Variants in L3MBTL4 observed in about 807,000 individuals in gnomAD.
L3MBTL4 encodes the protein L3MBTL histone methyl-lysine binding protein 4, also known as lethal(3)malignant brain tumor-like protein 4.
Under a neutral mutation model 84.5 loss-of-function variants are expected in L3MBTL4, and 70 were observed. The ratio of observed to expected loss-of-function variants is 0.83; its 90% CI spans 0.68 to 1.01. L3MBTL4 has a LOEUF of 1.01. Ranked by LOEUF, L3MBTL4 falls within the 50% of genes least tolerant of loss-of-function variation. L3MBTL4 has a pLI of 0.00. For missense variants in L3MBTL4, 715 were observed against 754.8 expected (o/e 0.95, Z 0.62); for synonymous variants, 274 against 259.8 (o/e 1.05, Z -0.52).
intron 16 of L3MBTL4, among the ~76,000 whole-genome samples, chr18:6,016,938 G>A (rs2055013384): frequency 6.6e-6 from 1 of 152,122 alleles, no homozygotes; most frequent in South Asian, 2.1e-4. Flanking sequence ...CAGGCCAGGG[G>A]TACCACCGCC....
At chr18:6,238,457 C>T (rs1027073427) in intron 9 of L3MBTL4, among the ~76,000 whole-genome samples, 8 of 151,930 alleles carry the variant, frequency 5.3e-5, no homozygotes, top group Non-Finnish European at 7.4e-5. Context: ...GGCGTGAACC[C>T]GGGAGGCGGA....
chr18:6,166,761 T>G (rs2043682007), intron 13 of L3MBTL4, among the ~76,000 whole-genome samples: 1 of 151,500 alleles, frequency 6.6e-6, no homozygotes, highest in African/African-American at 2.4e-5. Context: ...ACATAACAAT[T>G]AAAAGAACTA....
At chr18:6,011,380 G>T (rs145912997) in intron 16 of L3MBTL4, among the ~76,000 whole-genome samples, 193 of 152,296 alleles carry the variant, frequency 1.3e-3, no homozygotes, top group African/African-American at 4.4e-3. Flanking sequence ...TATAGTATTT[G>T]CTGGTGAGGC....
At chr18:6,004,334 C>T (rs1056800205) in intron 16 of L3MBTL4, among the ~76,000 whole-genome samples, 78 of 152,220 alleles carry the variant, frequency 5.1e-4, no homozygotes, top group African/African-American at 1.9e-3. Context: ...CATAAAGAAA[C>T]AGAAAATCTG....
At chr18:5,984,479 G>A (rs1393023135) in intron 16 of L3MBTL4, among the ~76,000 whole-genome samples, 3 of 152,110 alleles carry the variant, frequency 2.0e-5, no homozygotes, top group African/African-American at 7.2e-5. Context: ...TGAAAATGAC[G>A]ACAGATGAAT....
chr18:6,143,920 G>A (rs1034254751), intron 13 of L3MBTL4, among the ~76,000 whole-genome samples: 2 of 152,102 alleles, frequency 1.3e-5, no homozygotes, highest in African/African-American at 4.8e-5. Context: ...AGCAACGGCT[G>A]GGCGCGGTGG....
chr18:6,042,564 G>A (rs2056450936), intron 16 of L3MBTL4, among the ~76,000 whole-genome samples: 1 of 152,138 alleles, frequency 6.6e-6, no homozygotes, highest in South Asian at 2.1e-4. Context: ...CCAACACAAT[G>A]GGTTTTCCGT....
At chr18:6,109,917 G>A (rs148876374) in intron 14 of L3MBTL4, among the ~76,000 whole-genome samples, 69 of 142,668 alleles carry the variant, frequency 4.8e-4, no homozygotes, top group African/African-American at 1.8e-3. Flanking sequence ...TGAGTCATCT[G>A]TCAGCCCACG....
chr18:6,070,492 T>A (rs1396891353), intron 16 of L3MBTL4, among the ~76,000 whole-genome samples: 1 of 148,976 alleles, frequency 6.7e-6, no homozygotes, highest in Non-Finnish European at 1.5e-5. Context: ...AGGATATTTC[T>A]GGACAAAGAA....
At chr18:6,163,354 T>C (rs965090919) in intron 13 of L3MBTL4, among the ~76,000 whole-genome samples, 1 of 150,378 alleles carries the variant, frequency 6.6e-6, no homozygotes, top group Admixed American at 6.7e-5. Flanking sequence ...GGATGACATA[T>C]ATTGAACCAC....
At chr18:6,143,740 T>C (rs1376821857) in intron 13 of L3MBTL4, among the ~76,000 whole-genome samples, 1 of 152,186 alleles carries the variant, frequency 6.6e-6, no homozygotes, top group Non-Finnish European at 1.5e-5. Flanking sequence ...ATTAGTTTTG[T>C]AGTTTATCTG....
chr18:6,023,911 C>T (rs1029113749), intron 16 of L3MBTL4, among the ~76,000 whole-genome samples: 6 of 152,148 alleles, frequency 3.9e-5, no homozygotes, highest in Non-Finnish European at 7.3e-5. Flanking sequence ...AATGCCTGTG[C>T]GAATACATAG....
At chr18:6,255,700 CT>C (rs1261316391) in intron 5 of L3MBTL4, among the ~76,000 whole-genome samples, 10 of 150,812 alleles carry the variant, frequency 6.6e-5, no homozygotes, top group Non-Finnish European at 1.0e-4. Context: ...TCAAAAAATG[CT>C]TTTTTTCCCC....
At chr18:6,177,410 G>A (rs1288171264) in intron 12 of L3MBTL4, among the ~76,000 whole-genome samples, 2 of 152,194 alleles carry the variant, frequency 1.3e-5, no homozygotes, top group Non-Finnish European at 2.9e-5. Flanking sequence ...CTGACAACAG[G>A]CAATAGAAAC....
intron 16 of L3MBTL4, among the ~76,000 whole-genome samples, chr18:5,998,426 T>A (rs2145228240): frequency 6.6e-6 from 1 of 152,244 alleles, no homozygotes; most frequent in South Asian, 2.1e-4. Flanking sequence ...TCAGAGAATG[T>A]TTCGCCTGAG....
chr18:6,127,996 A>C (rs2144461403), intron 14 of L3MBTL4, among the ~76,000 whole-genome samples: 1 of 147,372 alleles, frequency 6.8e-6, no homozygotes, highest in East Asian at 2.0e-4. Context: ...GAAGCCAACC[A>C]ACCTAACCAA....
At chr18:6,178,807 A>G (rs1307013866) in intron 12 of L3MBTL4, among the ~76,000 whole-genome samples, 1 of 152,164 alleles carries the variant, frequency 6.6e-6, no homozygotes, top group Non-Finnish European at 1.5e-5. Flanking sequence ...CTTGGCATAA[A>G]TCCCACACTT....
At chr18:6,147,327 A>C (rs1237348724) in intron 13 of L3MBTL4, among the ~76,000 whole-genome samples, 1 of 152,100 alleles carries the variant, frequency 6.6e-6, no homozygotes, top group Non-Finnish European at 1.5e-5. Flanking sequence ...TCCTAATGAA[A>C]TTAGGGAAAA....
intron 17 of L3MBTL4, among the ~76,000 whole-genome samples, chr18:5,965,014 C>T (rs1016891608): frequency 3.3e-5 from 5 of 152,162 alleles, no homozygotes; most frequent in African/African-American, 1.2e-4. Flanking sequence ...TACTCCTGTA[C>T]AAGATATTTT....
Sources: allele counts gnomAD v4.1 joint callset (sites outside exome capture counted in the v4.1 genomes callset), GRCh38; gene constraint gnomAD v4.1.1; transcripts MANE v1.5; gene names NCBI Gene and HGNC (gene_info 2026-07-23, HGNC 2026-07-21).